The following MCC variants were observed in gnomAD, a reference collection of about 807,000 sequenced individuals.
MCC encodes MCC regulator of Wnt signaling pathway, also known as colorectal mutant cancer protein.
MCC carries 90 observed loss-of-function variants against 116.2 expected under a neutral mutation model. The observed-to-expected ratio is 0.77, with a 90% CI of 0.65 to 0.92. The LOEUF is 0.92. Among genes scored for constraint, MCC ranks in the 40% least tolerant of loss-of-function variants. The probability of loss-of-function intolerance (pLI) is 0.00; values close to 1 mark genes in which losing one functional copy is unlikely to be tolerated. For synonymous variants in MCC, 578 were observed against 510.5 expected, an observed-to-expected ratio of 1.13 and a Z score of -1.78; for missense variants, 1,516 against 1,312.2, an observed-to-expected ratio of 1.16 and a Z score of -2.40.
In MCC at chr5:113,053,916, T is replaced by C. The variant is rs1161831549; in HGVS notation, c.2257A>G (p.Lys753Glu). Residue 753 changes from lysine (K) to glutamate (E), a missense_variant, in exon 15 of 19, where the codon AAA becomes GAA. Physicochemically the swap from Lys to Glu is moderately conservative, Grantham distance 56. Coordinates refer to ENST00000408903, the MANE Select transcript of MCC (RefSeq NM_001085377.2). The part of the protein sequence containing the change: ...TASSCDTEFT[K>E]EDEQRLKDYI... ...TCCTTCAGCCTCTGCTCGTCTTCTT[T>C]AGTGAACTCGGTGTCGCAACTACTG... is the stretch of plus-strand genomic sequence containing the variant. The C allele has an allele frequency of 4.3e-6, 7 of 1,613,942 alleles. No individual in the cohort carries two copies. The highest frequency in any genetic ancestry group is 5.1e-6 in the Non-Finnish European group (6 of 1,179,834).
chr5:113,204,370 CTG>C (rs913174501), intron 3 of MCC: 2 of 152,150 alleles, frequency 1.3e-5, no homozygotes, highest in African/African-American at 2.4e-5. Context: ...AGTTCTAAAA[CTG>C]TGTGGATAGC....
intron 11 of MCC, among the ~76,000 whole-genome samples, chr5:113,081,596 G>A (rs1204018031): frequency 6.6e-6 from 1 of 152,078 alleles, no homozygotes; most frequent in Non-Finnish European, 1.5e-5. Context: ...CCCCCTGAAG[G>A]CATCTGACTT....
At chr5:113,228,804 A>C (rs1221574053) in intron 3 of MCC, among the ~76,000 whole-genome samples, 1 of 152,220 alleles carries the variant, frequency 6.6e-6, no homozygotes, top group Non-Finnish European at 1.5e-5. Flanking sequence ...CAAATAAGCC[A>C]TCAAAAACAG....
rs1339974499 is a variant in MCC at position 113,026,674 on chromosome 5, G to C, written c.*628C>G. On this transcript the variant is annotated 3_prime_UTR_variant, in exon 19 of 19. Transcript: ENST00000408903. ...GCACAGTCCTGGTGGTGGTCTGTTT[G>C]TAACTTTAGTGTATCTGGGACTGTA... The C allele has an allele frequency of 1.3e-5, 2 of 152,232 alleles. No homozygotes were observed. Among genetic ancestry groups the C allele is most frequent in the Non-Finnish European group, 2.9e-5 (2 of 68,092 alleles). The allele number at this position is 152,232 out of a possible 1,614,324, so 9.4% of individuals were successfully genotyped here.
At chr5:113,216,331 G>T (rs910204056) in intron 3 of MCC, among the ~76,000 whole-genome samples, 1 of 152,088 alleles carries the variant, frequency 6.6e-6, no homozygotes, top group Non-Finnish European at 1.5e-5. Context: ...CCCAATGAAG[G>T]TATAAGAAGT....
At chr5:113,163,407 C>T (rs1049354872) in intron 3 of MCC, among the ~76,000 whole-genome samples, 20 of 152,194 alleles carry the variant, frequency 1.3e-4, no homozygotes, top group African/African-American at 3.1e-4. Context: ...TTATTTCCCA[C>T]ATGTATGACT....
In MCC at chr5:113,043,172, A is replaced by C. The variant is rs1470846406; in HGVS notation, c.2756+358T>G. Among the ~76,000 whole-genome samples, 6 of 152,248 alleles carry C rather than the reference A, an allele frequency of 3.9e-5. 1 individual carries two copies. The highest frequency in any genetic ancestry group is 8.8e-5 in the Non-Finnish European group (6 of 68,044). ...AGCTTTTTCACACTACCAACGCTGA[A>C]GGAAAGTATTCCTGCTGAAGTTGGA... On this transcript the variant is annotated intron_variant, in intron 17 of 18. Coordinates refer to ENST00000408903, the MANE Select transcript of MCC (RefSeq NM_001085377.2).
intron 3 of MCC, among the ~76,000 whole-genome samples, chr5:113,224,470 G>A (rs1408393379): frequency 6.6e-6 from 1 of 152,174 alleles, no homozygotes; most frequent in Non-Finnish European, 1.5e-5. Flanking sequence ...GGAGGGGCCT[G>A]AAACAAAAAC....
chr5:113,158,997 G>A lies in MCC; in HGVS notation c.628-7575C>T, dbSNP rs564179499. On this transcript the variant is annotated intron_variant, in intron 3 of 18. Coordinates refer to ENST00000408903, the MANE Select transcript of MCC (RefSeq NM_001085377.2). Reference sequence around the variant, plus strand: ...TGTGCACAGGCAGGGCTGAAGACATGGGAGAAGCAGGGTCAGGGTTTTCGT... The same window carrying A: ...TGTGCACAGGCAGGGCTGAAGACATAGGAGAAGCAGGGTCAGGGTTTTCGT... Among the ~76,000 whole-genome samples the A allele has an allele frequency of 2.0e-5, 3 of 152,214 alleles. No homozygotes were observed. In the East Asian group the frequency reaches 5.8e-4, roughly 29 times the overall value.
intron 3 of MCC, 87 bp downstream of exon 3, chr5:113,340,432 T>TA: frequency 9.2e-7 from 1 of 1,089,140 alleles, no homozygotes; most frequent in Admixed American, 1.8e-5. Flanking sequence ...CAATACCCGA[T>TA]ATGTCCCCTG....
chr5:113,350,132 G>T (rs1768232102), intron 2 of MCC, among the ~76,000 whole-genome samples: 1 of 152,062 alleles, frequency 6.6e-6, no homozygotes, highest in Non-Finnish European at 1.5e-5. Flanking sequence ...GCAATCTACA[G>T]ATTCAATGCA....
intron 1 of MCC, among the ~76,000 whole-genome samples, chr5:113,403,373 T>TGG (rs2150399697): frequency 6.6e-6 from 1 of 152,326 alleles, no homozygotes; most frequent in East Asian, 1.9e-4. Flanking sequence ...ACGTTTTATA[T>TGG]TTAAAATATA....
At chr5:113,035,302 A>AACTCAAC (rs1314930895) in intron 17 of MCC, among the ~76,000 whole-genome samples, 3 of 152,128 alleles carry the variant, frequency 2.0e-5, no homozygotes, top group Admixed American at 1.3e-4. Context: ...TCTATCTGCC[A>AACTCAAC]AGTCTCATCC....
At chr5:113,460,507 G>A (rs1771714538) in intron 1 of MCC, among the ~76,000 whole-genome samples, 1 of 152,148 alleles carries the variant, frequency 6.6e-6, no homozygotes, top group Non-Finnish European at 1.5e-5. Flanking sequence ...ACCCCCAGTG[G>A]GTCAGAGAAC....
intron 1 of MCC, among the ~76,000 whole-genome samples, chr5:113,450,085 G>A (rs1244356574): frequency 2.6e-5 from 4 of 152,038 alleles, no homozygotes; most frequent in Non-Finnish European, 2.9e-5. Context: ...AAGAGTTTAC[G>A]GACATTGGAA....
intron 3 of MCC, among the ~76,000 whole-genome samples, chr5:113,202,362 T>C (rs1762721296): frequency 6.6e-6 from 1 of 152,136 alleles, no homozygotes; most frequent in African/African-American, 2.4e-5. Context: ...ACTCTTTATC[T>C]AGATTTGCCA....
intron 3 of MCC, among the ~76,000 whole-genome samples, chr5:113,284,668 G>A (rs534721337): frequency 3.9e-5 from 6 of 152,126 alleles, no homozygotes; most frequent in Non-Finnish European, 7.4e-5. Context: ...ACAAGATATC[G>A]CTTAAGTCAA....
intron 3 of MCC, chr5:113,204,691 T>A (rs1762834772): frequency 6.6e-6 from 1 of 152,162 alleles, no homozygotes; most frequent in Non-Finnish European, 1.5e-5. Flanking sequence ...CAGGAGAAAT[T>A]GTGCAAGCGA....
chr5:113,057,523 G>A (rs1204794541), intron 14 of MCC, among the ~76,000 whole-genome samples: 2 of 152,210 alleles, frequency 1.3e-5, no homozygotes, highest in South Asian at 2.1e-4. Context: ...GGGAGAAGCA[G>A]CAACATCCTG....
Sources: gnomAD v4.1 joint callset for allele counts (sites outside exome capture counted in the v4.1 genomes callset) on GRCh38, gnomAD v4.1.1 for gene constraint, MANE v1.5 for transcripts, NCBI Gene and HGNC (gene_info 2026-07-23, HGNC 2026-07-21) for gene names.